The following SCUBE2 variants were observed in gnomAD, a reference collection of about 807,000 sequenced individuals.
The protein encoded by SCUBE2 is signal peptide, CUB and EGF-like domain-containing protein 2.
In SCUBE2, 114 loss-of-function variants were observed where a neutral mutation model predicts 125.9. The ratio of observed to expected loss-of-function variants is 0.91; its 90% CI spans 0.78 to 1.06. SCUBE2 has a LOEUF of 1.06. Among genes scored for constraint, SCUBE2 ranks in the 50% least tolerant of loss-of-function variants. SCUBE2 has a pLI of 0.00. For missense variants in SCUBE2, 1,255 were observed against 1,301.8 expected, an observed-to-expected ratio of 0.96 and a Z score of 0.55; for synonymous variants, 459 against 492.9, an observed-to-expected ratio of 0.93 and a Z score of 0.91.
chr11:9,089,343 G>A (rs183296690), intron 2 of SCUBE2, among the ~76,000 whole-genome samples: 64 of 152,318 alleles, frequency 4.2e-4, no homozygotes, highest in Admixed American at 2.0e-3. Context: ...GGTACAAACC[G>A]CCCCAGGGAG....
chr11:9,061,388 T>C lies in SCUBE2; in HGVS notation c.851-864A>G, dbSNP rs369256216. On this transcript the variant is annotated intron_variant, in intron 7 of 22. Transcript: ENST00000649792. ...CCTGGGCCACGTGGTGAGACCCCCA[T>C]CTCTACACAAATTTTAAAAAATTAG... Among the ~76,000 whole-genome samples the C allele has an allele frequency of 6.9e-4, 103 of 148,944 alleles. 1 individual carries two copies. Among genetic ancestry groups the C allele is most frequent in the African/African-American group, 2.4e-3 (96 of 40,320 alleles).
Position 9,091,559 on chromosome 11 carries a change from C to A in SCUBE2, c.-31G>T. 1 of 519,016 alleles carries A rather than the reference C, an allele frequency of 1.9e-6. No individual in the cohort carries two copies. 32.2% of individuals were successfully genotyped at this position (519,016 alleles called of 1,614,324 possible). ...GCTCAGCGGTTGCGGGCAGAGGCGGCGGAGTGCGGGCGGTGGCGGCGGCGG... is the reference window on the plus strand; with the variant it reads ...GCTCAGCGGTTGCGGGCAGAGGCGGAGGAGTGCGGGCGGTGGCGGCGGCGG... On this transcript the variant is annotated 5_prime_UTR_variant, in exon 1 of 23. Coordinates refer to ENST00000649792, the MANE Select transcript of SCUBE2 (RefSeq NM_001367977.2). The surrounding 1 kb of genome is among the most constrained non-coding windows in gnomAD (Gnocchi z 8.5).
chr11:9,066,799 C>T lies in SCUBE2; in HGVS notation c.658G>A (p.Gly220Arg). 3 of 1,614,098 alleles carry T rather than the reference C, an allele frequency of 1.9e-6. No homozygotes were observed. The highest frequency in any genetic ancestry group is 2.5e-6 in the Non-Finnish European group (3 of 1,179,940). Reference protein sequence around the residue: ...QRDCILTCNHGNGGCQHSCDD... With the variant: ...QRDCILTCNHRNGGCQHSCDD... ...CAGGAGTGCTGGCACCCACCGTTCCCATGGTTACAGGTCACTGACAGCAAA... is the reference window on the plus strand; with the variant it reads ...CAGGAGTGCTGGCACCCACCGTTCCTATGGTTACAGGTCACTGACAGCAAA... The change falls in exon 6 of 23, where the codon GGG becomes AGG. Residue 220 changes from glycine (G) to arginine (R), a missense_variant. Transcript: ENST00000649792.
rs759038741 is a variant in SCUBE2, at chr11:9,027,524, C to T, written c.2541G>A (p.Gly847=). The T allele has an allele frequency of 1.7e-5, 27 of 1,613,798 alleles. No individual in the cohort carries two copies. Among genetic ancestry groups the T allele is most frequent in the Non-Finnish European group, 2.3e-5 (27 of 1,179,984 alleles). Residue 847 remains glycine (G), a synonymous_variant, in exon 20 of 23, where the codon GGG becomes GGA. Coordinates refer to ENST00000649792, the MANE Select transcript of SCUBE2 (RefSeq NM_001367977.2). The part of the protein sequence containing the change: ...RCGGELGDFT[G]YIESPNYPGN... The stretch of plus-strand genomic sequence containing the variant: ...CTGGGTAGTTTGGGGATTCAATGTA[C>T]CCAGTGAAATCTCCCAGCTCCCCTC...
At chr11:9,021,852 T>C (rs1328755169) in intron 22 of SCUBE2, 24 bp downstream of exon 22, 9 of 1,572,032 alleles carry the variant, frequency 5.7e-6, no homozygotes. Context: ...ATAACTGCCA[T>C]GTCCACCTGA....
At chr11:9,046,182 ATT>A (rs531200901) in intron 16 of SCUBE2, among the ~76,000 whole-genome samples, 86 of 150,852 alleles carry the variant, frequency 5.7e-4, no homozygotes, top group Non-Finnish European at 1.1e-3. Flanking sequence ...AATTTTTTGT[ATT>A]TTTTTAGTAG....
At chr11:9,069,171 T>C (rs1860534581) in intron 5 of SCUBE2, among the ~76,000 whole-genome samples, 199 bp downstream of exon 5, 1 of 152,212 alleles carries the variant, frequency 6.6e-6, no homozygotes, top group Non-Finnish European at 1.5e-5. Flanking sequence ...GAGTTCCTTT[T>C]TAAAATATCA....
intron 21 of SCUBE2, chr11:9,024,392 T>C: frequency 7.8e-7 from 1 of 1,288,662 alleles, no homozygotes. Flanking sequence ...CTTGGGTGTT[T>C]GTTTGACATT....
At chr11:9,058,238 G>A (rs976827330) in intron 9 of SCUBE2, among the ~76,000 whole-genome samples, 4 of 152,050 alleles carry the variant, frequency 2.6e-5, no homozygotes, top group Non-Finnish European at 5.9e-5. Context: ...CTAGGAGGGC[G>A]GATCACCTGA....
intron 4 of SCUBE2, among the ~76,000 whole-genome samples, chr11:9,073,780 T>C (rs1590135114): frequency 6.6e-6 from 1 of 152,172 alleles, no homozygotes; most frequent in Non-Finnish European, 1.5e-5. Flanking sequence ...TAAAAATAAC[T>C]GATTGGCCAC....
chr11:9,066,654 A>G (rs776554452), intron 6 of SCUBE2, 43 bp downstream of exon 6: 4 of 1,488,540 alleles, frequency 2.7e-6, no homozygotes, highest in Middle Eastern at 1.8e-4. Flanking sequence ...AGGGACAGGC[A>G]GGCTGGTGCA....
intron 9 of SCUBE2, among the ~76,000 whole-genome samples, chr11:9,058,568 C>T (rs954133714): frequency 7.6e-6 from 1 of 131,278 alleles, no homozygotes; most frequent in South Asian, 2.5e-4. Flanking sequence ...TGCACTCCAG[C>T]CTGGGTGACA....
intron 16 of SCUBE2, among the ~76,000 whole-genome samples, chr11:9,045,606 GACAGACAC>G (rs71062809): frequency 0.34 from 37,819 of 112,852 alleles, 5,386 homozygotes; most frequent in Admixed American, 0.47. Context: ...AAGACAGACA[GACAGACAC>G]ACACACACAC....
In SCUBE2 at chr11:9,050,694, C is replaced by T. The variant is rs1221511394; in HGVS notation, c.1551G>A (p.Arg517=). ...CATTTAGCTTAAAGGTTACACTTGTCCTGATGGTGGTGACATCTTCAGAAA... is the reference window on the plus strand; with the variant it reads ...CATTTAGCTTAAAGGTTACACTTGTTCTGATGGTGGTGACATCTTCAGAAA... ...DSAFGDVTTI[R]TSVTFKLNEG... is the part of the protein sequence containing the mutation. The change falls in exon 14 of 23, where the codon AGG becomes AGA. Residue 517 remains arginine, a synonymous_variant. Coordinates refer to ENST00000649792, the MANE Select transcript of SCUBE2 (RefSeq NM_001367977.2). The T allele has an allele frequency of 1.2e-6, 2 of 1,613,866 alleles. No homozygotes were observed. Among genetic ancestry groups the T allele is most frequent in the Non-Finnish European group, 1.7e-6 (2 of 1,179,830 alleles).
chr11:9,030,104 G>T, intron 18 of SCUBE2, 59 bp from the exon 19 acceptor site: 1 of 1,555,158 alleles, frequency 6.4e-7, no homozygotes, highest in Non-Finnish European at 8.8e-7. Context: ...TTAATCAAAT[G>T]CAGCACAAAG....
chr11:9,076,868 T>G (rs923474667), intron 3 of SCUBE2, among the ~76,000 whole-genome samples: 1 of 152,090 alleles, frequency 6.6e-6, no homozygotes, highest in Non-Finnish European at 1.5e-5. Flanking sequence ...GGAAGCACAT[T>G]CCAGAGGATG....
At chr11:9,024,080 CT>C in intron 21 of SCUBE2, 1 of 360,104 alleles carries the variant, frequency 2.8e-6, no homozygotes, top group Non-Finnish European at 3.9e-6. Context: ...CTATTCTCTA[CT>C]GTGACACATG....
At chr11:9,084,500 C>T (rs1280755979) in intron 2 of SCUBE2, among the ~76,000 whole-genome samples, 1 of 148,144 alleles carries the variant, frequency 6.8e-6, no homozygotes, top group Non-Finnish European at 1.5e-5. Flanking sequence ...CAAAGTATCT[C>T]CCCTAAGAAA....
intron 16 of SCUBE2, among the ~76,000 whole-genome samples, chr11:9,036,545 T>A (rs962510056): frequency 1.3e-5 from 2 of 152,204 alleles, no homozygotes; most frequent in Non-Finnish European, 2.9e-5. Flanking sequence ...CATTTCTATC[T>A]GAAGAAGAGC....
Sources: allele counts gnomAD v4.1 joint callset (sites outside exome capture counted in the v4.1 genomes callset), GRCh38; gene constraint gnomAD v4.1.1; non-coding constraint Gnocchi (gnomAD v3.1); transcripts MANE v1.5; gene names NCBI Gene and HGNC (gene_info 2026-07-23, HGNC 2026-07-21).